The following ELOC variants were observed in gnomAD, a reference collection of about 807,000 sequenced individuals.
ELOC encodes the protein elongin-C.
For synonymous variants in ELOC, 40 were observed against 51.3 expected (o/e 0.78, Z 0.94); for missense variants, 38 against 139.0 (o/e 0.27, Z 3.65).
At chr8:73,953,771 G>C (rs1563674856) in intron 3 of ELOC, among the ~76,000 whole-genome samples, 1 of 152,132 alleles carries the variant, frequency 6.6e-6, no homozygotes, top group Non-Finnish European at 1.5e-5. Context: ...CAGCCACCGT[G>C]AAACAGTTCT....
At chr8:73,964,549 A>T (rs1318028039) in intron 1 of ELOC, 1 of 152,094 alleles carries the variant, frequency 6.6e-6, no homozygotes, top group East Asian at 1.9e-4. Context: ...CAATCGCAAC[A>T]CTTTGGGAGG....
chr8:73,947,082 A>G (rs927781590), intron 3 of ELOC, among the ~76,000 whole-genome samples: 1 of 152,074 alleles, frequency 6.6e-6, no homozygotes, highest in East Asian at 1.9e-4. Flanking sequence ...TCCACCTCCC[A>G]GGTTCAAGCG....
At chr8:73,949,913 T>TC (rs1309539219) in intron 3 of ELOC, among the ~76,000 whole-genome samples, 1 of 152,186 alleles carries the variant, frequency 6.6e-6, no homozygotes, top group African/African-American at 2.4e-5. Context: ...TGATTTTTTT[T>TC]CCCCTTAAAG....
In ELOC at chr8:73,965,106, G is replaced by GA. The variant is rs1014131061; in HGVS notation, c.-50-5289dup. On this transcript the variant is annotated intron_variant, in intron 1 of 3. Coordinates refer to ENST00000520242, the MANE Select transcript of ELOC (RefSeq NM_005648.4). ...AAAAATGAAGTCAAGCCACGAACTG[G>GA]AAAAAAATATTCACAACGCGTATCT... 1.1e-4 allele frequency among the ~76,000 whole-genome samples: 16 copies of GA among 148,578 alleles called. 1 individual carries two copies. The highest frequency in any genetic ancestry group is 3.9e-4 in the African/African-American group (16 of 40,606).
intron 1 of ELOC, among the ~76,000 whole-genome samples, chr8:73,966,629 C>T (rs1038185362): frequency 5.3e-5 from 8 of 151,466 alleles, no homozygotes; most frequent in African/African-American, 1.9e-4. Flanking sequence ...CTACCAAGCC[C>T]GGCTAAAATT....
intron 3 of ELOC, among the ~76,000 whole-genome samples, chr8:73,954,284 C>T (rs954260652): frequency 3.3e-5 from 5 of 152,138 alleles, no homozygotes; most frequent in Non-Finnish European, 7.3e-5. Context: ...ACTGTGAATG[C>T]AGTAAACGCC....
intron 3 of ELOC, among the ~76,000 whole-genome samples, chr8:73,948,768 A>G (rs7825810): frequency 0.57 from 86,997 of 151,952 alleles, 26,416 homozygotes; most frequent in African/African-American, 0.79. Context: ...CCGGGAGTTC[A>G]AGGCTGCAGT....
At chr8:73,953,134 A>G (rs1388137998) in intron 3 of ELOC, among the ~76,000 whole-genome samples, 2 of 151,888 alleles carry the variant, frequency 1.3e-5, no homozygotes, top group Non-Finnish European at 2.9e-5. Context: ...GTGAGATCCC[A>G]TTTCTACCAA....
At chr8:73,964,850 A>G (rs1397471514) in intron 1 of ELOC, among the ~76,000 whole-genome samples, 1 of 152,044 alleles carries the variant, frequency 6.6e-6, no homozygotes, top group African/African-American at 2.4e-5. Context: ...ATGGTGGTGA[A>G]ACCCCGTTTC....
chr8:73,970,319 A>C (rs1563690649), intron 1 of ELOC, among the ~76,000 whole-genome samples: 1 of 152,358 alleles, frequency 6.6e-6, no homozygotes, highest in Non-Finnish European at 1.5e-5. Flanking sequence ...TACCAAAAAA[A>C]CCAAGATAAA....
At chr8:73,963,385 C>A (rs1814738027) in intron 1 of ELOC, among the ~76,000 whole-genome samples, 1 of 152,138 alleles carries the variant, frequency 6.6e-6, no homozygotes. Flanking sequence ...TTTGTTCTCA[C>A]ATGTTTCTTG....
intron 3 of ELOC, among the ~76,000 whole-genome samples, chr8:73,953,323 CA>C (rs1435371191): frequency 6.6e-6 from 1 of 151,586 alleles, no homozygotes; most frequent in African/African-American, 2.4e-5. Flanking sequence ...CCACCATCAC[CA>C]AACAAACCAC....
chr8:73,959,662 C>CA (rs1470094101), intron 2 of ELOC, 103 bp downstream of exon 2: 5 of 960,304 alleles, frequency 5.2e-6, no homozygotes, highest in Non-Finnish European at 7.6e-6. Context: ...CAACTAATTT[C>CA]AGTCTACTGA....
chr8:73,957,226 T>C (rs1301886021), intron 2 of ELOC, among the ~76,000 whole-genome samples: 3 of 151,618 alleles, frequency 2.0e-5, no homozygotes, highest in Non-Finnish European at 4.4e-5. Context: ...ATGCATGCAT[T>C]AAAAGTAATT....
intron 1 of ELOC, among the ~76,000 whole-genome samples, chr8:73,967,222 C>G (rs935998314): frequency 6.6e-6 from 1 of 152,056 alleles, no homozygotes; most frequent in African/African-American, 2.4e-5. Context: ...CAAAATAAAT[C>G]CAACAACCTC....
chr8:73,957,547 TAAAC>T (rs1814274141), intron 2 of ELOC, among the ~76,000 whole-genome samples: 1 of 152,208 alleles, frequency 6.6e-6, no homozygotes. Context: ...ATCCATTTGT[TAAAC>T]AATTAATTCA....
At chr8:73,954,095 T>C (rs536079409) in intron 3 of ELOC, among the ~76,000 whole-genome samples, 1 of 152,088 alleles carries the variant, frequency 6.6e-6, no homozygotes, top group African/African-American at 2.4e-5. Context: ...CAAAAGGCCA[T>C]ATACTGTATG....
intron 3 of ELOC, among the ~76,000 whole-genome samples, chr8:73,954,940 A>G (rs1563676023): frequency 6.7e-6 from 1 of 149,690 alleles, no homozygotes; most frequent in Non-Finnish European, 1.5e-5. Context: ...AGGCTGAGGC[A>G]GAAGAATCTC....
At chr8:73,961,485 T>C in intron 1 of ELOC, among the ~76,000 whole-genome samples, 1 of 152,036 alleles carries the variant, frequency 6.6e-6, no homozygotes, top group Non-Finnish European at 1.5e-5. Context: ...TTGCTAGGCA[T>C]GGAGACAGAT....
Sources: allele counts gnomAD v4.1 joint callset (sites outside exome capture counted in the v4.1 genomes callset), GRCh38; gene constraint gnomAD v4.1.1; transcripts MANE v1.5; gene names NCBI Gene and HGNC (gene_info 2026-07-23, HGNC 2026-07-21).